Variants in MMP26 observed in about 807,000 individuals in gnomAD.
MMP26 encodes matrix metallopeptidase 26, also known as matrix metalloproteinase-26.
Under a neutral mutation model 31.0 loss-of-function variants are expected in MMP26, and 33 were observed. The ratio of observed to expected loss-of-function variants is 1.06; its 90% confidence interval spans 0.81 to 1.42. The LOEUF (loss-of-function observed/expected upper bound fraction) is 1.42, where lower values mean the gene tolerates loss of function less well. Ranked by LOEUF, MMP26 falls within the 40% of genes most tolerant of loss-of-function variation. The pLI is 0.00. For missense variants in MMP26, 347 were observed against 316.1 expected (o/e 1.10, Z -0.74); for synonymous variants, 122 against 114.9 (o/e 1.06, Z -0.40).
At chr11:4,979,314 C>G (rs1454617614) in intron 2 of MMP26, among the ~76,000 whole-genome samples, 3 of 152,108 alleles carry the variant, frequency 2.0e-5, no homozygotes, top group African/African-American at 7.2e-5. Context: ...AATAAATCCC[C>G]AGGTTGGTTA....
intron 2 of MMP26, among the ~76,000 whole-genome samples, chr11:4,816,413 G>A (rs531114552): frequency 2.0e-5 from 3 of 151,770 alleles, no homozygotes; most frequent in Non-Finnish European, 2.9e-5. Flanking sequence ...TTCTTTATTG[G>A]TTTTCTGTCT....
At position 4,989,945 on chromosome 11, in the gene MMP26, G is replaced by A. The variant is rs985685404; in HGVS notation, c.320+77G>A. 9 of 1,190,584 alleles carry A rather than the reference G, an allele frequency of 7.6e-6. No individual in the cohort carries two copies. The African/African-American group carries it at 1.1e-4, about 14-fold the overall frequency. 73.8% of individuals were successfully genotyped at this position (1,190,584 alleles called of 1,614,324 possible). The stretch of plus-strand genomic sequence containing the variant: ...GGCTTTCTACCAGGTCTCTCCTGGA[G>A]GTACCTCTACTCTCTTCTGCTTTCA... On this transcript the variant is annotated intron_variant, in intron 4 of 7. Transcript: ENST00000380390.
Position 4,882,800 on chromosome 11 carries a change from A to G in MMP26, c.-144-105268A>G, listed in dbSNP as rs1224123185. On this transcript the variant is annotated intron_variant, in intron 2 of 7. Coordinates refer to ENST00000380390, the MANE Select transcript of MMP26 (RefSeq NM_021801.5). ...CATTTACAGCTTGAAGACCAAGACA[A>G]TCCGCCAGGCTATGTTCCAGCTGCT... 1.2e-5 allele frequency: 20 copies of G among 1,613,682 alleles called. No individual in the cohort carries two copies. Among genetic ancestry groups the G allele is most frequent in the Non-Finnish European group, 1.7e-5 (20 of 1,179,860 alleles).
At chr11:4,828,506 T>G (rs1027260874) in intron 2 of MMP26, among the ~76,000 whole-genome samples, 1 of 152,148 alleles carries the variant, frequency 6.6e-6, no homozygotes, top group South Asian at 2.1e-4. Flanking sequence ...TTGTGGTAGG[T>G]AACATAAGAA....
At chr11:4,735,320 G>A (rs1470998930) in intron 1 of MMP26, among the ~76,000 whole-genome samples, 1 of 151,832 alleles carries the variant, frequency 6.6e-6, no homozygotes, top group Non-Finnish European at 1.5e-5. Flanking sequence ...CTATATATAT[G>A]TGTGTGTGTA....
At position 4,960,099 on chromosome 11, in the gene MMP26, A is replaced by C. The variant is rs1846500559; in HGVS notation, c.-144-27969A>C. 4.6e-5 allele frequency among the ~76,000 whole-genome samples: 6 copies of C among 129,104 alleles called. No individual in the cohort carries two copies. In the South Asian group the frequency reaches 1.4e-3, roughly 31 times the overall value. The allele number at this position is 129,104 out of a possible 152,430, so 84.7% of individuals were successfully genotyped here. ...TCTCCAAGTTGGCTATTAGCAATTT[A>C]GTAATAAATATATTCTCAGCAAAAT... is the stretch of plus-strand genomic sequence containing the variant. On this transcript the variant is annotated intron_variant, in intron 2 of 7. Transcript: ENST00000380390.
In MMP26 at chr11:4,832,269, C is replaced by A. The variant is rs542189576; in HGVS notation, c.-145+64928C>A. On this transcript the variant is annotated intron_variant, in intron 2 of 7. Coordinates refer to ENST00000380390, the MANE Select transcript of MMP26 (RefSeq NM_021801.5). Reference sequence around the variant, plus strand: ...CTCATGGCCATCCTGGGCAACTGCACCATCCTATTTGTTATCAGAACAGAG... The same window carrying A: ...CTCATGGCCATCCTGGGCAACTGCAACATCCTATTTGTTATCAGAACAGAG... 1.7e-5 allele frequency: 3 copies of A among 176,040 alleles called. No homozygotes were observed. The South Asian group carries it at 4.8e-4, about 28-fold the overall frequency. 10.9% of individuals were successfully genotyped at this position (176,040 alleles called of 1,614,324 possible). A position where few individuals can be genotyped will look rare whatever the true frequency, so the allele number is the denominator to read the frequency against.
At position 4,766,271 on chromosome 11, in the gene MMP26, G is replaced by A. The variant is rs1348809230; in HGVS notation, c.-216-999G>A. Among the ~76,000 whole-genome samples, 9 of 152,178 alleles carry A rather than the reference G, an allele frequency of 5.9e-5. No homozygotes were observed. The East Asian group carries it at 1.7e-3, about 29-fold the overall frequency. ...TCTGGTGGTGAGAACAAGAGATGGA[G>A]AGAGCTCCAGGAGATAGAATTATGC... On this transcript the variant is annotated intron_variant, in intron 1 of 7. Transcript: ENST00000380390.
chr11:4,971,498 AG>A (rs1318393658), intron 2 of MMP26, among the ~76,000 whole-genome samples: 31 of 152,232 alleles, frequency 2.0e-4, no homozygotes, highest in Non-Finnish European at 8.8e-5. Flanking sequence ...TGATATGTAT[AG>A]GAGCTTGTTG....
chr11:4,961,928 G>A (rs1233393296), intron 2 of MMP26, among the ~76,000 whole-genome samples: 1 of 152,132 alleles, frequency 6.6e-6, no homozygotes, highest in Non-Finnish European at 1.5e-5. Context: ...TAAATCATTT[G>A]CCTTTAATAT....
chr11:4,873,178 C>T (rs1475221205), intron 2 of MMP26, among the ~76,000 whole-genome samples: 2 of 152,040 alleles, frequency 1.3e-5, no homozygotes, highest in Non-Finnish European at 2.9e-5. Flanking sequence ...TCAGGGGCCT[C>T]GTTTACTATC....
At chr11:4,826,226 T>C (rs17328337) in intron 2 of MMP26, among the ~76,000 whole-genome samples, 15,948 of 152,088 alleles carry the variant, frequency 0.1, 1,026 homozygotes, top group Middle Eastern at 0.17. Flanking sequence ...CTGCTGATTA[T>C]TGGGCGTTGC....
rs768511859 is a variant in MMP26 at position 4,915,566 on chromosome 11, G to A, written c.-144-72502G>A. ...CAGATACATGAAGCACAGTGGGATGGAGATCCAGATGTGCATGCGCTCCAG... is the reference window on the plus strand; with the variant it reads ...CAGATACATGAAGCACAGTGGGATGAAGATCCAGATGTGCATGCGCTCCAG... On this transcript the variant is annotated intron_variant, in intron 2 of 7. Transcript: ENST00000380390. 1.2e-5 allele frequency: 20 copies of A among 1,613,890 alleles called. No homozygotes were observed. In the South Asian group the frequency reaches 1.9e-4, roughly 15 times the overall value.
chr11:4,791,215 G>A (rs1171052907), intron 2 of MMP26, among the ~76,000 whole-genome samples: 1 of 152,212 alleles, frequency 6.6e-6, no homozygotes, highest in Non-Finnish European at 1.5e-5. Flanking sequence ...ATGCAGTCAA[G>A]TACAGTGGTT....
intron 2 of MMP26, chr11:4,907,767 G>C (rs377476097): frequency 1.2e-6 from 2 of 1,614,014 alleles, no homozygotes; most frequent in Non-Finnish European, 1.7e-6. Flanking sequence ...TTAAGATACA[G>C]TTCTATCCTC....
chr11:4,810,329 A>G (rs1054911701), intron 2 of MMP26, among the ~76,000 whole-genome samples: 1 of 152,020 alleles, frequency 6.6e-6, no homozygotes, highest in African/African-American at 2.4e-5. Context: ...CGATGTGTGT[A>G]TCTGAGAGAT....
At chr11:4,841,301 A>C (rs1037145241) in intron 2 of MMP26, among the ~76,000 whole-genome samples, 5 of 152,156 alleles carry the variant, frequency 3.3e-5, no homozygotes, top group African/African-American at 1.2e-4. Context: ...AAAGTTGTTA[A>C]TATAAAAGTA....
chr11:4,797,409 A>G (rs1849123101), intron 2 of MMP26, among the ~76,000 whole-genome samples: 1 of 152,146 alleles, frequency 6.6e-6, no homozygotes, highest in Admixed American at 6.5e-5. Flanking sequence ...CTGGAGCAAC[A>G]TTTACTCATT....
chr11:4,911,989 G>T (rs534902892), intron 2 of MMP26, among the ~76,000 whole-genome samples: 1 of 152,054 alleles, frequency 6.6e-6, no homozygotes, highest in Non-Finnish European at 1.5e-5. Flanking sequence ...TAAGGCAACC[G>T]CTCTAGAAAT....
Sources: gnomAD v4.1 joint callset for allele counts (sites outside exome capture counted in the v4.1 genomes callset) on GRCh38, gnomAD v4.1.1 for gene constraint, MANE v1.5 for transcripts, NCBI Gene and HGNC (gene_info 2026-07-23, HGNC 2026-07-21) for gene names.